Variants in LYPD6B observed in about 807,000 individuals in gnomAD.
The protein encoded by LYPD6B is LY6/PLAUR domain containing 6B.
LYPD6B carries 17 observed loss-of-function variants against 22.8 expected under a neutral mutation model. The ratio of observed to expected loss-of-function variants is 0.75; its 90% CI spans 0.51 to 1.12. The LOEUF is 1.12. Ranked by LOEUF, LYPD6B falls within the 50% of genes most tolerant of loss-of-function variation. The pLI is 0.00. For missense variants in LYPD6B, 221 were observed against 258.3 expected, an observed-to-expected ratio of 0.86 and a Z score of 0.99; for synonymous variants, 106 against 91.6, an observed-to-expected ratio of 1.16 and a Z score of -0.90.
chr2:149,039,280 G>A lies in LYPD6B; in HGVS notation c.-67+479G>A, dbSNP rs1682959609. The stretch of plus-strand genomic sequence containing the variant: ...ACGCGCGACCAGCTTGGGTGCCGCC[G>A]CTTCCCTTGCCCCGGCTCTTTACTT... On this transcript the variant is annotated intron_variant, in intron 1 of 6. Coordinates refer to ENST00000409642, the MANE Select transcript of LYPD6B (RefSeq NM_177964.5). Among the ~76,000 whole-genome samples the A allele has an allele frequency of 3.3e-5, 5 of 152,236 alleles. No individual in the cohort carries two copies. The South Asian group carries it at 1.0e-3, about 32-fold the overall frequency.
intron 2 of LYPD6B, among the ~76,000 whole-genome samples, chr2:149,158,805 C>T (rs1005710574): frequency 3.8e-4 from 58 of 152,166 alleles, no homozygotes; most frequent in Admixed American, 3.7e-3. Context: ...ACATATATTA[C>T]TTGAGCTTAA....
At chr2:149,102,086 A>G (rs1201311107) in intron 1 of LYPD6B, among the ~76,000 whole-genome samples, 1 of 152,208 alleles carries the variant, frequency 6.6e-6, no homozygotes, top group Admixed American at 6.5e-5. Context: ...CACAGCTTTA[A>G]TGTTCATTGT....
Position 149,189,342 on chromosome 2 carries a change from T to TTTTATATATATATA in LYPD6B, c.78-15910_78-15909insTTATATATATATAT, listed in dbSNP as rs1553500263. ...AACAATTTTTTTGATTTGTCCAAAATTATATATATATATATATATATATAT... is the reference window on the plus strand; with the variant it reads ...AACAATTTTTTTGATTTGTCCAAAATTTTATATATATATATATATATATATATATATATATATAT... On this transcript the variant is annotated intron_variant, in intron 3 of 6. Transcript: ENST00000409642. Among the ~76,000 whole-genome samples the TTTTATATATATATA allele has an allele frequency of 7.6e-5, 5 of 66,100 alleles. No homozygotes were observed. In the East Asian group the frequency reaches 1.5e-3, roughly 20 times the overall value. 43.4% of individuals were successfully genotyped at this position (66,100 alleles called of 152,430 possible).
At chr2:149,079,924 G>C (rs1685047693) in intron 1 of LYPD6B, among the ~76,000 whole-genome samples, 1 of 152,134 alleles carries the variant, frequency 6.6e-6, no homozygotes, top group Admixed American at 6.5e-5. Context: ...ATTCTAAACT[G>C]GGTGGCTTTG....
At chr2:149,180,506 C>T (rs1691638966) in intron 3 of LYPD6B, among the ~76,000 whole-genome samples, 2 of 152,168 alleles carry the variant, frequency 1.3e-5, no homozygotes, top group Admixed American at 6.5e-5. Context: ...CTTAGCCCCC[C>T]AGAGGAGACT....
At chr2:149,078,901 G>A (rs2062147) in intron 1 of LYPD6B, among the ~76,000 whole-genome samples, 9,702 of 152,040 alleles carry the variant, frequency 0.064, 1,014 homozygotes, top group African/African-American at 0.22. Context: ...CCATCTACTC[G>A]GGAGGCTGAG....
intron 1 of LYPD6B, among the ~76,000 whole-genome samples, chr2:149,047,734 C>G (rs1277819546): frequency 6.6e-6 from 1 of 152,024 alleles, no homozygotes; most frequent in African/African-American, 2.4e-5. Context: ...TTTCTTTTCT[C>G]CTGAAATTTC....
At chr2:149,184,581 G>C (rs1559062109) in intron 3 of LYPD6B, among the ~76,000 whole-genome samples, 1 of 152,176 alleles carries the variant, frequency 6.6e-6, no homozygotes, top group Non-Finnish European at 1.5e-5. Flanking sequence ...TGAAGTTCTA[G>C]AATTTTCCCT....
intron 3 of LYPD6B, among the ~76,000 whole-genome samples, chr2:149,173,349 C>CTTGTTTTTTTTTT (rs1690991076): frequency 1.7e-5 from 1 of 58,488 alleles, no homozygotes; most frequent in African/African-American, 7.9e-5. Context: ...TCTGTCAGGC[C>CTTGTTTTTTTTTT]TTTTTTTTTT....
At chr2:149,108,353 A>T (rs1347962015) in intron 1 of LYPD6B, among the ~76,000 whole-genome samples, 1 of 152,210 alleles carries the variant, frequency 6.6e-6, no homozygotes, top group African/African-American at 2.4e-5. Flanking sequence ...ACACCCTTGC[A>T]GTTCAATGAG....
At chr2:149,141,082 T>C (rs553936348) in intron 2 of LYPD6B, among the ~76,000 whole-genome samples, 2 of 152,068 alleles carry the variant, frequency 1.3e-5, no homozygotes, top group East Asian at 3.9e-4. Context: ...AATCATCAGG[T>C]GGTGGTAAGT....
At chr2:149,108,277 C>T (rs144015710) in intron 1 of LYPD6B, among the ~76,000 whole-genome samples, 278 of 152,316 alleles carry the variant, frequency 1.8e-3, no homozygotes, top group African/African-American at 6.5e-3. Flanking sequence ...GTCCATTAAA[C>T]CTCTTTCTTT....
chr2:149,196,963 G>A (rs909915373), intron 3 of LYPD6B, among the ~76,000 whole-genome samples: 2 of 152,128 alleles, frequency 1.3e-5, no homozygotes, highest in Admixed American at 6.6e-5. Flanking sequence ...AACCAATGTC[G>A]AGTAATGGAC....
intron 2 of LYPD6B, chr2:149,142,200 A>G (rs1325210605): frequency 6.6e-6 from 1 of 152,202 alleles, no homozygotes; most frequent in Non-Finnish European, 1.5e-5. Context: ...AATGGCGTTT[A>G]TTAAAAGCTC....
chr2:149,046,992 A>G (rs1161747851), intron 1 of LYPD6B, among the ~76,000 whole-genome samples: 2 of 152,224 alleles, frequency 1.3e-5, no homozygotes, highest in African/African-American at 2.4e-5. Flanking sequence ...TTCAAAAAAC[A>G]TTCTTAGTTC....
chr2:149,128,063 T>G (rs556121729), intron 1 of LYPD6B, among the ~76,000 whole-genome samples: 1 of 152,328 alleles, frequency 6.6e-6, no homozygotes, highest in Admixed American at 6.5e-5. Context: ...AAAGATGTTT[T>G]CAGCTAACAT....
chr2:149,148,096 T>A (rs1689149538), intron 2 of LYPD6B, among the ~76,000 whole-genome samples: 1 of 152,208 alleles, frequency 6.6e-6, no homozygotes, highest in African/African-American at 2.4e-5. Context: ...GAAATATCTC[T>A]ATGCAATATT....
chr2:149,204,021 C>T (rs1333216147), intron 3 of LYPD6B, among the ~76,000 whole-genome samples: 3 of 152,116 alleles, frequency 2.0e-5, no homozygotes, highest in African/African-American at 7.2e-5. Flanking sequence ...TTGAAATATT[C>T]CCTAAACCCA....
At chr2:149,136,536 C>T (rs1342565524) in intron 2 of LYPD6B, among the ~76,000 whole-genome samples, 2 of 152,198 alleles carry the variant, frequency 1.3e-5, no homozygotes, top group Non-Finnish European at 2.9e-5. Flanking sequence ...TTCATGATTG[C>T]AACTCTCTAA....
Sources: gnomAD v4.1 joint callset for allele counts (sites outside exome capture counted in the v4.1 genomes callset) on GRCh38, gnomAD v4.1.1 for gene constraint, MANE v1.5 for transcripts, NCBI Gene and HGNC (gene_info 2026-07-23, HGNC 2026-07-21) for gene names.